ACSM3: variants seen among roughly 807,000 people sequenced by gnomAD.
The protein encoded by ACSM3 is acyl-coenzyme A synthetase ACSM3, mitochondrial.
Under a neutral mutation model 74.1 loss-of-function variants are expected in ACSM3, and 61 were observed. That is an observed-to-expected ratio of 0.82 (90% confidence interval 0.67 to 1.02). The LOEUF (loss-of-function observed/expected upper bound fraction) is 1.02, where lower values mean the gene tolerates loss of function less well. Among genes scored for constraint, ACSM3 ranks in the 50% least tolerant of loss-of-function variants. ACSM3 has a pLI of 0.00. For missense variants in ACSM3, 660 were observed against 697.0 expected (o/e 0.95, Z 0.60); for synonymous variants, 213 against 241.5 (o/e 0.88, Z 1.09).
At chr16:20,751,505 G>A (rs1007113206) in intron 2 of ACSM3, among the ~76,000 whole-genome samples, 1 of 152,174 alleles carries the variant, frequency 6.6e-6, no homozygotes, top group African/African-American at 2.4e-5. Context: ...TAGAAACCCA[G>A]GAGAAACTGG....
chr16:20,796,524 T>C (rs769347100), intron 13 of ACSM3, 35 bp downstream of exon 13: 3 of 1,603,400 alleles, frequency 1.9e-6, no homozygotes, highest in Non-Finnish European at 2.5e-6. Flanking sequence ...ATTTGCTCAG[T>C]GTTGTGGACA....
At chr16:20,782,777 C>T (rs2080381190) in intron 7 of ACSM3, among the ~76,000 whole-genome samples, 1 of 152,162 alleles carries the variant, frequency 6.6e-6, no homozygotes, top group South Asian at 2.1e-4. Flanking sequence ...TATGATGGCT[C>T]ACAGAGTGCA....
chr16:20,741,833 G>C, intron 1 of ACSM3: 1 of 1,539,056 alleles, frequency 6.5e-7, no homozygotes, highest in Middle Eastern at 1.7e-4. Context: ...TCGGATATGA[G>C]CGACGGCCTC....
chr16:20,792,616 T>C (rs1396451778), intron 12 of ACSM3: 8 of 985,276 alleles, frequency 8.1e-6, no homozygotes, highest in Middle Eastern at 5.2e-4. Context: ...TGAATGCCAG[T>C]AACCCAGGCT....
At chr16:20,712,979 C>T (rs163249) in intron 1 of ACSM3, among the ~76,000 whole-genome samples, 151,862 of 152,214 alleles carry the variant, frequency 1, 75,765 homozygotes, top group Admixed American at 1. Flanking sequence ...TGCTGAATAA[C>T]AGTTTTATTT....
intron 1 of ACSM3, among the ~76,000 whole-genome samples, chr16:20,701,539 T>G (rs1000505466): frequency 6.6e-6 from 1 of 152,158 alleles, no homozygotes; most frequent in Non-Finnish European, 1.5e-5. Flanking sequence ...TTAAAAAAAT[T>G]TTTACTTTAA....
At chr16:20,686,674 C>T (rs987618155) in intron 1 of ACSM3, among the ~76,000 whole-genome samples, 2 of 151,938 alleles carry the variant, frequency 1.3e-5, no homozygotes, top group Non-Finnish European at 2.9e-5. Context: ...TAGAGCCAGG[C>T]GAGGTGGCAC....
At position 20,797,342 on chromosome 16, in the gene ACSM3, G is replaced by A; in HGVS notation, c.*370G>A. 1 of 1,002,678 alleles carries A rather than the reference G, an allele frequency of 1.0e-6. No individual in the cohort carries two copies. Among genetic ancestry groups the A allele is most frequent in the South Asian group, 4.6e-5 (1 of 21,534 alleles). The allele number at this position is 1,002,678 out of a possible 1,614,324, so 62.1% of individuals were successfully genotyped here. A position where few individuals can be genotyped will look rare whatever the true frequency, so the allele number is the denominator to read the frequency against. Reference sequence around the variant, plus strand: ...CAAATCAGAACCAATGTTCAAGCCTGAAATAAAACTAAAGAACTTATAAAA... The same window carrying A: ...CAAATCAGAACCAATGTTCAAGCCTAAAATAAAACTAAAGAACTTATAAAA... On this transcript the variant is annotated 3_prime_UTR_variant, in exon 14 of 14. Transcript: ENST00000289416.
rs5712 is a variant in ACSM3, at chr16:20,770,008, T to C, written c.-27T>C. On this transcript the variant is annotated 5_prime_UTR_variant, in exon 2 of 14. The change abolishes the stop of an existing upstream ORF in the 5' untranslated region. Coordinates refer to ENST00000289416, the MANE Select transcript of ACSM3 (RefSeq NM_005622.4). ...GATGAACTGGTCTCTGTGCAAATCC[T>C]GAGTGCTAAAGCTTCCAACAAGACT... The C allele has an allele frequency of 2.2e-3, 3,604 of 1,610,458 alleles. 87 individuals are homozygous for C. In the African/African-American group the frequency reaches 0.043, roughly 19 times the overall value.
At chr16:20,715,463 G>A (rs887094577) in intron 1 of ACSM3, among the ~76,000 whole-genome samples, 3 of 152,134 alleles carry the variant, frequency 2.0e-5, no homozygotes, top group Admixed American at 6.5e-5. Flanking sequence ...AATTAGCCAT[G>A]TGTGGTGGCA....
At chr16:20,688,817 T>C (rs1254193585) in intron 1 of ACSM3, among the ~76,000 whole-genome samples, 7 of 151,860 alleles carry the variant, frequency 4.6e-5, no homozygotes, top group Non-Finnish European at 8.8e-5. Flanking sequence ...AACTCAAATA[T>C]GAAAATGTAA....
intron 3 of ACSM3, among the ~76,000 whole-genome samples, chr16:20,776,503 G>A (rs1240195980): frequency 1.3e-5 from 2 of 152,084 alleles, no homozygotes; most frequent in African/African-American, 4.8e-5. Context: ...CTGTCTTAAG[G>A]GTCTGGGACT....
At chr16:20,701,495 A>G (rs188106107) in intron 1 of ACSM3, among the ~76,000 whole-genome samples, 7 of 152,284 alleles carry the variant, frequency 4.6e-5, no homozygotes, top group African/African-American at 1.7e-4. Context: ...TTAAAAAGAA[A>G]CTTCAGAGCC....
rs1291614166 is a variant in ACSM3, at chr16:20,781,581, C to T, written c.940-127C>T. The T allele has an allele frequency of 7.7e-6, 6 of 778,824 alleles. No individual in the cohort carries two copies. In the East Asian group the frequency reaches 8.0e-5, roughly 10 times the overall value. 48.2% of individuals were successfully genotyped at this position (778,824 alleles called of 1,614,324 possible). A position where few individuals can be genotyped will look rare whatever the true frequency, so the allele number is the denominator to read the frequency against. On this transcript the variant is annotated intron_variant, in intron 6 of 13. Coordinates refer to ENST00000289416, the MANE Select transcript of ACSM3 (RefSeq NM_005622.4). ...CTGCAGACACTGAGGGATGATTCTA[C>T]AAGAAAAGGTAAGAATGTATTTACA...
chr16:20,727,965 T>A (rs929467868), intron 1 of ACSM3, among the ~76,000 whole-genome samples: 2 of 152,212 alleles, frequency 1.3e-5, no homozygotes, highest in African/African-American at 4.8e-5. Context: ...AATCTGTGTT[T>A]CAACAATGCT....
chr16:20,786,337 A>G (rs1209609499), intron 9 of ACSM3, 179 bp downstream of exon 9: 1 of 1,279,032 alleles, frequency 7.8e-7, no homozygotes, highest in African/African-American at 1.5e-5. Flanking sequence ...GGTCTCCATT[A>G]TTTTGCAAAT....
chr16:20,789,462 G>T (rs1292598400), intron 9 of ACSM3: 1 of 1,579,724 alleles, frequency 6.3e-7, no homozygotes, highest in Admixed American at 1.7e-5. Context: ...AAGAGAGCAA[G>T]GCTGTGGCTT....
intron 1 of ACSM3, among the ~76,000 whole-genome samples, chr16:20,717,150 G>A (rs2079764730): frequency 6.6e-6 from 1 of 152,168 alleles, no homozygotes; most frequent in South Asian, 2.1e-4. Context: ...CAGACATCCT[G>A]TACGTGCACA....
intron 2 of ACSM3, 108 bp from the exon 3 acceptor site, chr16:20,775,730 AC>A: frequency 9.3e-7 from 1 of 1,073,466 alleles, no homozygotes; most frequent in Non-Finnish European, 1.4e-6. Flanking sequence ...CCATGTTCTA[AC>A]TAATGACTTG....
Sources: allele counts gnomAD v4.1 joint callset (sites outside exome capture counted in the v4.1 genomes callset), GRCh38; gene constraint gnomAD v4.1.1; transcripts MANE v1.5; gene names NCBI Gene and HGNC (gene_info 2026-07-23, HGNC 2026-07-21).